The following MEP1B variants were observed in gnomAD, a reference collection of about 807,000 sequenced individuals.
MEP1B encodes meprin A subunit beta.
Under a neutral mutation model 84.6 loss-of-function variants are expected in MEP1B, and 80 were observed. That is an observed-to-expected ratio of 0.95 (90% CI 0.79 to 1.14). The LOEUF (loss-of-function observed/expected upper bound fraction) is 1.14. Ranked by LOEUF, MEP1B falls within the 50% of genes most tolerant of loss-of-function variation. The pLI, the probability that MEP1B is intolerant of heterozygous loss-of-function variation, is 0.00. For missense variants in MEP1B, 766 were observed against 855.1 expected, an observed-to-expected ratio of 0.90 and a Z score of 1.30; for synonymous variants, 273 against 288.1, an observed-to-expected ratio of 0.95 and a Z score of 0.53.
In MEP1B at chr18:32,196,303, T is replaced by C; in HGVS notation, c.250+818T>C. The C allele has an allele frequency of 1.4e-6, 1 of 705,908 alleles. No homozygotes were observed. The highest frequency in any genetic ancestry group is 1.5e-5 in the South Asian group (1 of 67,574). The allele number at this position is 705,908 out of a possible 1,614,324, so 43.7% of individuals were successfully genotyped here. ...TGTGAAGTTGAGGGGCGGGATGTTG[T>C]TGCTGGAGCCGTTGCGGTAGATCTC... On this transcript the variant is annotated intron_variant, in intron 5 of 14. Transcript: ENST00000269202. The surrounding 1 kb of genome is among the most constrained non-coding windows in gnomAD (Gnocchi z 4.4).
At chr18:32,203,785 G>A (rs934965913) in intron 6 of MEP1B, among the ~76,000 whole-genome samples, 2 of 152,114 alleles carry the variant, frequency 1.3e-5, no homozygotes, top group Admixed American at 6.5e-5. Flanking sequence ...AATCATAGTG[G>A]AAGGTGAGGG....
chr18:32,201,299 T>C (rs79583961), intron 5 of MEP1B, among the ~76,000 whole-genome samples: 3 of 144,230 alleles, frequency 2.1e-5, no homozygotes, highest in East Asian at 2.1e-4. Flanking sequence ...CATATGTAGA[T>C]ACACACACAC....
chr18:32,214,057 T>C (rs1423838132), intron 11 of MEP1B, among the ~76,000 whole-genome samples: 2 of 152,194 alleles, frequency 1.3e-5, no homozygotes, highest in African/African-American at 4.8e-5. Context: ...TTCTTCTAAC[T>C]CATGCTACCT....
At chr18:32,218,690 T>C (rs1280600426) in intron 14 of MEP1B, among the ~76,000 whole-genome samples, 1 of 152,162 alleles carries the variant, frequency 6.6e-6, no homozygotes, top group Non-Finnish European at 1.5e-5. Context: ...CCTCAGCCCA[T>C]CCTTCAGGGA....
rs777234828 is a variant in MEP1B, at chr18:32,202,984, C to T, written c.342C>T (p.Asn114=). The T allele has an allele frequency of 1.1e-5, 17 of 1,610,386 alleles. 1 individual carries two copies. The South Asian group carries it at 1.9e-4, about 18-fold the overall frequency. The stretch of plus-strand genomic sequence containing the variant: ...TTAAGCCTTGGGCTGGAGAAACAAA[C>T]TATATATCAGTGTTCAAGGGCAGTG... The part of the protein sequence containing the change: ...IDFKPWAGET[N]YISVFKGSGC... The change falls in exon 6 of 15, where the codon AAC becomes AAT. Residue 114 remains asparagine, a synonymous_variant. Coordinates refer to ENST00000269202, the MANE Select transcript of MEP1B (RefSeq NM_005925.3).
chr18:32,208,858 T>C (rs2040993418), intron 9 of MEP1B, among the ~76,000 whole-genome samples: 1 of 152,232 alleles, frequency 6.6e-6, no homozygotes, highest in Admixed American at 6.5e-5. Flanking sequence ...TTAGGGCCAG[T>C]GCTTAATAGC....
chr18:32,194,453 C>G (rs977734679), intron 4 of MEP1B, among the ~76,000 whole-genome samples: 2 of 152,190 alleles, frequency 1.3e-5, no homozygotes, highest in Admixed American at 6.5e-5. Flanking sequence ...TCCCAGCTGT[C>G]TAAGCCTAGC....
At chr18:32,201,305 C>CAT (rs2040909440) in intron 5 of MEP1B, among the ~76,000 whole-genome samples, 1 of 146,554 alleles carries the variant, frequency 6.8e-6, no homozygotes, top group Admixed American at 6.7e-5. Context: ...TAGATACACA[C>CAT]ACACACACAC....
At chr18:32,214,834 G>A (rs2041065568) in intron 11 of MEP1B, among the ~76,000 whole-genome samples, 1 of 152,122 alleles carries the variant, frequency 6.6e-6, no homozygotes, top group African/African-American at 2.4e-5. Flanking sequence ...CTGGTACCTA[G>A]GAAACTTCTG....
At chr18:32,201,564 G>C (rs1001126605) in intron 5 of MEP1B, among the ~76,000 whole-genome samples, 9 of 152,112 alleles carry the variant, frequency 5.9e-5, no homozygotes, top group African/African-American at 2.2e-4. Context: ...ATAATATTTA[G>C]TGAAAAAATA....
chr18:32,215,049 AAC>A (rs1423219359), intron 11 of MEP1B, 31 bp from the exon 12 acceptor site: 3 of 1,484,008 alleles, frequency 2.0e-6, no homozygotes, highest in Non-Finnish European at 2.8e-6. Flanking sequence ...GATGATGATA[AAC>A]ACACTCCATT....
chr18:32,191,501 G>A (rs9960741), intron 1 of MEP1B, among the ~76,000 whole-genome samples: 48,458 of 151,676 alleles, frequency 0.32, 8,525 homozygotes, highest in African/African-American at 0.47. Context: ...TTAGAAAATC[G>A]TGTGTAAAGT....
At position 32,215,969 on chromosome 18, in the gene MEP1B, CATAT is replaced by C. The variant is rs10522884; in HGVS notation, c.1759+755_1759+758del. Among the ~76,000 whole-genome samples the C allele has an allele frequency of 7.9e-3, 1,062 of 133,648 alleles. 8 individuals are homozygous for C. The highest frequency in any genetic ancestry group is 0.011 in the Non-Finnish European group (685 of 60,816). The allele number at this position is 133,648 out of a possible 152,430, so 87.7% of individuals were successfully genotyped here. A position where few individuals can be genotyped will look rare whatever the true frequency, so the allele number is the denominator to read the frequency against. On this transcript the variant is annotated intron_variant, in intron 12 of 14. Coordinates refer to ENST00000269202, the MANE Select transcript of MEP1B (RefSeq NM_005925.3). Reference sequence around the variant, plus strand: ...ATGTACATACATGCATACATATATGCATATATATATATATATATATATATATATA... The same window carrying C: ...ATGTACATACATGCATACATATATGCATATATATATATATATATATATATA...
Position 32,210,805 on chromosome 18 carries a change from A to C in MEP1B, c.1135+89A>C, listed in dbSNP as rs74773407. 2,995 of 1,037,390 alleles carry C rather than the reference A, an allele frequency of 2.9e-3. 63 individuals are homozygous for C. In the African/African-American group the frequency reaches 0.041, roughly 14 times the overall value. The allele number at this position is 1,037,390 out of a possible 1,614,324, so 64.3% of individuals were successfully genotyped here. On this transcript the variant is annotated intron_variant, in intron 10 of 14. Coordinates refer to ENST00000269202, the MANE Select transcript of MEP1B (RefSeq NM_005925.3). ...TTAATGCAACAATTTACAATAGGGC[A>C]GGGGCTACTGAGTCACTATACTTCA... is the stretch of plus-strand genomic sequence containing the variant.
At chr18:32,219,033 A>G (rs1011739673) in intron 14 of MEP1B, among the ~76,000 whole-genome samples, 6 of 152,218 alleles carry the variant, frequency 3.9e-5, no homozygotes, top group Non-Finnish European at 5.9e-5. Context: ...TTCCATTTCT[A>G]TTTCATTCCA....
chr18:32,195,024 T>G (rs1212632733), intron 4 of MEP1B, among the ~76,000 whole-genome samples: 1 of 152,154 alleles, frequency 6.6e-6, no homozygotes, highest in African/African-American at 2.4e-5. Flanking sequence ...TTGGCCCAGC[T>G]CATGTGTGAC....
Position 32,192,677 on chromosome 18 carries a change from T to C in MEP1B, c.114T>C (p.Phe38=). ...ATGGCGGAATGGACCAGGACATATTTGATATCAATGAAGGTTTGTGGATTT... is the reference window on the plus strand; with the variant it reads ...ATGGCGGAATGGACCAGGACATATTCGATATCAATGAAGGTTTGTGGATTT... The part of the protein sequence containing the change: ...DVDGGMDQDI[F]DINEGLGLDL... The change falls in exon 3 of 15, where the codon TTT becomes TTC. Residue 38 remains phenylalanine (F), a synonymous_variant. Coordinates refer to ENST00000269202, the MANE Select transcript of MEP1B (RefSeq NM_005925.3). The C allele has an allele frequency of 6.2e-7, 1 of 1,613,384 alleles. No individual in the cohort carries two copies. Among genetic ancestry groups the C allele is most frequent in the Non-Finnish European group, 8.5e-7 (1 of 1,179,428 alleles).
Position 32,196,317 on chromosome 18 carries a change from G to T in MEP1B, c.250+832G>T, listed in dbSNP as rs1252080150. ...GCGGGATGTTGTTGCTGGAGCCGTT[G>T]CGGTAGATCTCATGCATGGCGCGCC... On this transcript the variant is annotated intron_variant, in intron 5 of 14. Coordinates refer to ENST00000269202, the MANE Select transcript of MEP1B (RefSeq NM_005925.3). The surrounding 1 kb of genome is among the most constrained non-coding windows in gnomAD (Gnocchi z 4.4). 1 of 704,684 alleles carries T rather than the reference G, an allele frequency of 1.4e-6. No individual in the cohort carries two copies. Among genetic ancestry groups the T allele is most frequent in the Non-Finnish European group, 2.7e-6 (1 of 377,256 alleles). 43.7% of individuals were successfully genotyped at this position (704,684 alleles called of 1,614,324 possible).
At chr18:32,217,425 C>T (rs894059759) in intron 13 of MEP1B, among the ~76,000 whole-genome samples, 2 of 152,106 alleles carry the variant, frequency 1.3e-5, no homozygotes, top group African/African-American at 2.4e-5. Flanking sequence ...AAGATACTGA[C>T]GTTCTGAGGA....
Sources: gnomAD v4.1 joint callset for allele counts (sites outside exome capture counted in the v4.1 genomes callset) on GRCh38, gnomAD v4.1.1 for gene constraint, Gnocchi (gnomAD v3.1) non-coding constraint, MANE v1.5 for transcripts, NCBI Gene and HGNC (gene_info 2026-07-23, HGNC 2026-07-21) for gene names.